ANKRD55: variants seen among roughly 807,000 people sequenced by gnomAD.
ANKRD55 encodes ankyrin repeat domain-containing protein 55.
A neutral mutation model predicts 60.6 loss-of-function variants in ANKRD55; 41 were observed. The observed-to-expected ratio is 0.68, with a 90% CI of 0.53 to 0.88. The LOEUF (loss-of-function observed/expected upper bound fraction) is 0.88, where lower values mean the gene tolerates loss of function less well. ANKRD55 is among the 40% of genes least tolerant of loss of function. The pLI is 0.00. For synonymous variants in ANKRD55, 264 were observed against 290.3 expected, an observed-to-expected ratio of 0.91 and a Z score of 0.92; for missense variants, 732 against 767.6, an observed-to-expected ratio of 0.95 and a Z score of 0.55.
intron 6 of ANKRD55, among the ~76,000 whole-genome samples, chr5:56,149,116 G>T (rs1287632571): frequency 6.6e-6 from 1 of 152,076 alleles, no homozygotes; most frequent in Non-Finnish European, 1.5e-5. Flanking sequence ...AGTAATGAAA[G>T]CCATTTTCTT....
At chr5:56,227,800 G>A (rs1760156888) in intron 2 of ANKRD55, among the ~76,000 whole-genome samples, 1 of 152,152 alleles carries the variant, frequency 6.6e-6, no homozygotes, top group South Asian at 2.1e-4. Flanking sequence ...GGGGTCATAT[G>A]TGAAGCTGAT....
chr5:56,121,374 C>CTTT (rs35793814), intron 8 of ANKRD55, among the ~76,000 whole-genome samples: 7 of 130,636 alleles, frequency 5.4e-5, no homozygotes, highest in East Asian at 2.2e-4. Flanking sequence ...TGTTCCACCA[C>CTTT]TTTTTTTTTT....
chr5:56,170,790 C>T lies in ANKRD55; in HGVS notation c.326G>A (p.Gly109Asp). The T allele has an allele frequency of 6.2e-7, 1 of 1,614,130 alleles. No homozygotes were observed. The highest frequency in any genetic ancestry group is 8.5e-7 in the Non-Finnish European group (1 of 1,180,006). The change falls in exon 5 of 12, where the codon GGC becomes GAC. Residue 109 changes from glycine (G) to aspartate (D), a missense_variant. Gly to Asp is a moderately conservative substitution (Grantham distance 94). Transcript: ENST00000341048. ...CLATYLGWLEGCVSLLRNGAK... is the reference protein window; with the variant it reads ...CLATYLGWLEDCVSLLRNGAK... ...ACCGTTTCTGAGTAGACTCACACAG[C>T]CTTCAAGCCAGCCCTGAAATACAAG...
At chr5:56,226,626 T>G (rs1760116445) in intron 2 of ANKRD55, among the ~76,000 whole-genome samples, 1 of 152,002 alleles carries the variant, frequency 6.6e-6, no homozygotes, top group Non-Finnish European at 1.5e-5. Flanking sequence ...ACAAAGAACT[T>G]AAACAAATTT....
intron 3 of ANKRD55, among the ~76,000 whole-genome samples, chr5:56,182,100 G>T (rs772608366): frequency 2.0e-5 from 3 of 152,070 alleles, no homozygotes; most frequent in Non-Finnish European, 2.9e-5. Flanking sequence ...AATCGATGCT[G>T]GTTATTCTTT....
Position 56,192,945 on chromosome 5 carries a change from G to A in ANKRD55, c.59-9311C>T, listed in dbSNP as rs909176036. ...GAAAATAAAGACTTCCGTGCTGTGG[G>A]ATTGAAAACCAAAGCAGGCAGAGAT... On this transcript the variant is annotated intron_variant, in intron 2 of 11. Transcript: ENST00000341048. 4 of 647,362 alleles carry A rather than the reference G, an allele frequency of 6.2e-6. No homozygotes were observed. The African/African-American group carries it at 7.4e-5, about 12-fold the overall frequency. The allele number at this position is 647,362 out of a possible 1,614,324, so 40.1% of individuals were successfully genotyped here.
At chr5:56,191,035 T>C (rs1269826617) in intron 2 of ANKRD55, among the ~76,000 whole-genome samples, 1 of 152,224 alleles carries the variant, frequency 6.6e-6, no homozygotes, top group East Asian at 1.9e-4. Context: ...TATGGGATTA[T>C]TTCTGGACTT....
chr5:56,159,774 G>A (rs556065176), intron 6 of ANKRD55, 59 bp downstream of exon 6: 10 of 1,537,132 alleles, frequency 6.5e-6, no homozygotes, highest in Admixed American at 3.3e-5. Context: ...GTTCAGAAAC[G>A]CCCTTCCTTT....
chr5:56,160,271 C>T (rs1027724700), intron 5 of ANKRD55, among the ~76,000 whole-genome samples: 1 of 152,232 alleles, frequency 6.6e-6, no homozygotes, highest in Non-Finnish European at 1.5e-5. Context: ...TGGAGTCTCG[C>T]TCTGTTGCCC....
intron 11 of ANKRD55, among the ~76,000 whole-genome samples, chr5:56,101,052 C>T (rs185990407): frequency 6.6e-6 from 1 of 152,294 alleles, no homozygotes; most frequent in Admixed American, 6.5e-5. Context: ...TCTGTGTGAC[C>T]TTGGACATAT....
At chr5:56,111,807 A>G (rs1179014637) in intron 9 of ANKRD55, 25 bp from the exon 10 acceptor site, 2 of 1,471,792 alleles carry the variant, frequency 1.4e-6, no homozygotes, top group East Asian at 4.7e-5. Context: ...AAGAGCAGGG[A>G]TGATATGTGA....
rs55650644 is a variant in ANKRD55, at chr5:56,208,406, A to T, written c.58+24450T>A. ...TGTACATAATTGTATGTGTTTTTTT[A>T]AAAAAAATATTTATTTATTTATTTA... On this transcript the variant is annotated intron_variant, in intron 2 of 11. Transcript: ENST00000341048. Among the ~76,000 whole-genome samples the T allele has an allele frequency of 6.6e-3, 930 of 139,876 alleles. 5 individuals carry two copies. The highest frequency in any genetic ancestry group is 0.05 in the East Asian group (246 of 4,918). The allele number at this position is 139,876 out of a possible 152,430, so 91.8% of individuals were successfully genotyped here.
chr5:56,171,421 C>T (rs958294781), intron 4 of ANKRD55, among the ~76,000 whole-genome samples: 35 of 152,168 alleles, frequency 2.3e-4, no homozygotes, highest in African/African-American at 8.4e-4. Flanking sequence ...AGATTGAGAC[C>T]TGATATGGCC....
intron 2 of ANKRD55, among the ~76,000 whole-genome samples, chr5:56,207,419 G>A (rs1054590569): frequency 6.6e-6 from 1 of 152,168 alleles, no homozygotes; most frequent in Non-Finnish European, 1.5e-5. Context: ...ATCACACTAT[G>A]TATAGTCATA....
chr5:56,169,115 C>T (rs1378136035), intron 5 of ANKRD55, among the ~76,000 whole-genome samples: 1 of 152,150 alleles, frequency 6.6e-6, no homozygotes, highest in African/African-American at 2.4e-5. Context: ...CCTCGGCCTC[C>T]CAAAGTGCTG....
At chr5:56,208,837 T>C (rs1759583255) in intron 2 of ANKRD55, among the ~76,000 whole-genome samples, 2 of 152,170 alleles carry the variant, frequency 1.3e-5, no homozygotes, top group Admixed American at 6.6e-5. Context: ...ACGATATCAA[T>C]AGGTGACAGA....
At chr5:56,117,838 G>A (rs1756924881) in intron 8 of ANKRD55, among the ~76,000 whole-genome samples, 1 of 152,052 alleles carries the variant, frequency 6.6e-6, no homozygotes, top group Non-Finnish European at 1.5e-5. Flanking sequence ...CTTTCATGAT[G>A]TTATGTTTAA....
chr5:56,226,936 G>C (rs1358361513), intron 2 of ANKRD55, among the ~76,000 whole-genome samples: 2 of 152,102 alleles, frequency 1.3e-5, no homozygotes, highest in African/African-American at 4.8e-5. Flanking sequence ...GTGGTGATTT[G>C]TCAAGGATCT....
At chr5:56,138,368 C>T (rs1272416215) in intron 7 of ANKRD55, among the ~76,000 whole-genome samples, 8 of 152,150 alleles carry the variant, frequency 5.3e-5, no homozygotes, top group African/African-American at 1.9e-4. Flanking sequence ...TCTCATGATC[C>T]GCCCGCCTTG....
Sources: allele counts gnomAD v4.1 joint callset (sites outside exome capture counted in the v4.1 genomes callset), GRCh38; gene constraint gnomAD v4.1.1; transcripts MANE v1.5; gene names NCBI Gene and HGNC (gene_info 2026-07-23, HGNC 2026-07-21).